The following KDM4B variants were observed in gnomAD, a reference collection of about 807,000 sequenced individuals.
KDM4B encodes the protein lysine demethylase 4B, also known as lysine-specific demethylase 4B.
A neutral mutation model predicts 125.2 loss-of-function variants in KDM4B; 32 were observed. That is an observed-to-expected ratio of 0.26 (90% CI 0.19 to 0.34). The LOEUF (loss-of-function observed/expected upper bound fraction) is 0.34. KDM4B is among the 10% of genes least tolerant of loss of function. The pLI is 1.00. For missense variants in KDM4B, 1,190 were observed against 1,577.7 expected (o/e 0.75, Z 4.16); for synonymous variants, 721 against 677.9 (o/e 1.06, Z -0.99).
chr19:4,998,413 C>T (rs555414811), intron 1 of KDM4B, among the ~76,000 whole-genome samples: 5 of 152,230 alleles, frequency 3.3e-5, no homozygotes, highest in South Asian at 2.1e-4. Flanking sequence ...AGGAAGAATT[C>T]CCAGACACCT....
chr19:5,077,321 G>A (rs370946912), intron 7 of KDM4B, 46 bp from the exon 8 acceptor site: 55 of 1,553,690 alleles, frequency 3.5e-5, no homozygotes, highest in Non-Finnish European at 4.6e-5. Flanking sequence ...CGCTGACCCC[G>A]GCCGGCTGTG....
intron 3 of KDM4B, among the ~76,000 whole-genome samples, chr19:5,038,272 G>A (rs2036693892): frequency 6.6e-6 from 1 of 152,218 alleles, no homozygotes; most frequent in Non-Finnish European, 1.5e-5. Context: ...CTGGCACCCA[G>A]AAGGCCCGTG....
chr19:5,006,103 G>A (rs944390690), intron 1 of KDM4B, among the ~76,000 whole-genome samples: 2 of 152,048 alleles, frequency 1.3e-5, no homozygotes, highest in African/African-American at 2.4e-5. Context: ...GGCTGGTGGC[G>A]GCGGCAGGGA....
At chr19:5,104,248 C>T (rs2038993560) in intron 9 of KDM4B, among the ~76,000 whole-genome samples, 1 of 152,206 alleles carries the variant, frequency 6.6e-6, no homozygotes, top group Non-Finnish European at 1.5e-5. Flanking sequence ...CCTTTCTGCT[C>T]CCGGGTCCCC....
At chr19:5,132,725 T>G (rs2039580873) in intron 13 of KDM4B, among the ~76,000 whole-genome samples, 1 of 151,766 alleles carries the variant, frequency 6.6e-6, no homozygotes, top group Admixed American at 6.5e-5. Flanking sequence ...ACTCCCCCAC[T>G]CCCCACACCC....
chr19:5,036,503 G>A (rs2036630617), intron 3 of KDM4B, among the ~76,000 whole-genome samples: 2 of 152,216 alleles, frequency 1.3e-5, no homozygotes, highest in South Asian at 2.1e-4. Flanking sequence ...TGTTGGGAGG[G>A]GTGGGAACTT....
At chr19:5,071,984 G>A (rs1376577926) in intron 7 of KDM4B, among the ~76,000 whole-genome samples, 2 of 152,166 alleles carry the variant, frequency 1.3e-5, no homozygotes, top group Non-Finnish European at 2.9e-5. Flanking sequence ...GTGAGGGCCC[G>A]TTGTTCCTCT....
intron 6 of KDM4B, among the ~76,000 whole-genome samples, chr19:5,059,435 C>G (rs369331385): frequency 6.6e-6 from 1 of 152,314 alleles, no homozygotes; most frequent in East Asian, 1.9e-4. Context: ...GACCTGATTG[C>G]GAGCCAAGCA....
intron 6 of KDM4B, among the ~76,000 whole-genome samples, chr19:5,060,397 C>A (rs1181653314): frequency 7.6e-6 from 1 of 131,484 alleles, no homozygotes; most frequent in East Asian, 2.4e-4. Context: ...CAAGATTGTC[C>A]CATCCAGCCT....
intron 2 of KDM4B, among the ~76,000 whole-genome samples, chr19:5,027,991 T>C (rs1259614936): frequency 6.6e-6 from 1 of 152,226 alleles, no homozygotes; most frequent in Non-Finnish European, 1.5e-5. Flanking sequence ...ATTTACTTTT[T>C]AGAGACAGGG....
chr19:5,126,379 C>T lies in KDM4B; in HGVS notation c.1316-4697C>T, dbSNP rs555349231. ...CAGAACCAAGCAGAAAGCAGGAAGG[C>T]GGCCTCGTCCACCTCTCCTGAGCCT... is the stretch of plus-strand genomic sequence containing the variant. On this transcript the variant is annotated intron_variant, in intron 11 of 22. Transcript: ENST00000159111. Among the ~76,000 whole-genome samples the T allele has an allele frequency of 7.8e-4, 119 of 152,312 alleles. 1 individual carries two copies. The highest frequency in any genetic ancestry group is 2.6e-3 in the African/African-American group (110 of 41,584).
intron 2 of KDM4B, among the ~76,000 whole-genome samples, chr19:5,029,708 T>A (rs988233986): frequency 1.3e-5 from 2 of 152,158 alleles, no homozygotes; most frequent in Admixed American, 1.3e-4. Flanking sequence ...ACACCTGTGG[T>A]CCCAGCTAGT....
intron 9 of KDM4B, among the ~76,000 whole-genome samples, chr19:5,091,167 G>A (rs545727727): frequency 2.9e-4 from 44 of 152,358 alleles, no homozygotes; most frequent in Middle Eastern, 3.4e-3. Context: ...GGCTGGCCCC[G>A]AGGTGGGTGG....
At chr19:5,094,965 G>T (rs1026160472) in intron 9 of KDM4B, among the ~76,000 whole-genome samples, 2 of 152,198 alleles carry the variant, frequency 1.3e-5, no homozygotes, top group African/African-American at 4.8e-5. Flanking sequence ...TCCTGTGGAG[G>T]GGTCTGCAGC....
In KDM4B at chr19:5,039,975, C is replaced by G; in HGVS notation, c.281C>G (p.Thr94Arg). ...TACAATATCCAGAAGAAGGCCATGA[C>G]AGTGGGCGAGTACCGCCGCCTGGCC... ...TQYNIQKKAM[T>R]VGEYRRLANS... The change falls in exon 4 of 23, where the codon ACA (threonine) becomes AGA (arginine). Residue 94 changes from threonine to arginine, a missense_variant. By Grantham distance (71) the Thr-to-Arg change is moderately conservative. This residue lies in a region of KDM4B where 139 missense variants were observed against 248.3 expected (regional missense o/e 0.56). Transcript: ENST00000159111. The G allele has an allele frequency of 1.2e-6, 2 of 1,612,494 alleles. No homozygotes were observed. The highest frequency in any genetic ancestry group is 1.7e-6 in the Non-Finnish European group (2 of 1,179,640).
chr19:5,083,846 G>C (rs1231031972), intron 9 of KDM4B, among the ~76,000 whole-genome samples: 2 of 152,304 alleles, frequency 1.3e-5, no homozygotes, highest in East Asian at 1.9e-4. Flanking sequence ...CCAGAGCCGG[G>C]GTCAGCACAA....
intron 2 of KDM4B, among the ~76,000 whole-genome samples, chr19:5,023,680 G>A (rs1243818837): frequency 6.6e-6 from 1 of 152,174 alleles, no homozygotes; most frequent in Non-Finnish European, 1.5e-5. Context: ...AGAGGACGAG[G>A]GCTCGAGGGA....
chr19:5,027,295 C>T (rs2036310277), intron 2 of KDM4B, among the ~76,000 whole-genome samples: 1 of 152,240 alleles, frequency 6.6e-6, no homozygotes, highest in Admixed American at 6.5e-5. Flanking sequence ...ATGTGTCTCT[C>T]TGTGACCGTG....
intron 11 of KDM4B, among the ~76,000 whole-genome samples, chr19:5,130,874 C>T (rs2039529851): frequency 6.6e-6 from 1 of 152,260 alleles, no homozygotes. Context: ...AGACCAAGGC[C>T]TGGGGGTGCC....
Sources: allele counts gnomAD v4.1 joint callset (sites outside exome capture counted in the v4.1 genomes callset), GRCh38; gene constraint gnomAD v4.1.1; regional missense constraint gnomAD v4.1.1; transcripts MANE v1.5; gene names NCBI Gene and HGNC (gene_info 2026-07-23, HGNC 2026-07-21).